Variants in EVA1A observed in about 807,000 individuals in gnomAD.
EVA1A encodes protein eva-1 homolog A.
Under a neutral mutation model 9.8 loss-of-function variants are expected in EVA1A, and 7 were observed. The observed-to-expected ratio is 0.71, with a 90% CI of 0.41 to 1.34. EVA1A has a LOEUF of 1.34. Among genes scored for constraint, EVA1A ranks in the 40% most tolerant of loss-of-function variants. The pLI is 0.01. For missense variants in EVA1A, 206 were observed against 205.9 expected (o/e 1.00, Z 0.00); for synonymous variants, 90 against 85.6 (o/e 1.05, Z -0.28).
chr2:75,518,354 G>A, intron 2 of EVA1A, 146 bp from the exon 3 acceptor site: 1 of 895,258 alleles, frequency 1.1e-6, no homozygotes, highest in Non-Finnish European at 1.6e-6. Context: ...GACCCTCTCT[G>A]GCCAGCCCCA....
chr2:75,550,445 G>A (rs1676481830), intron 1 of EVA1A, among the ~76,000 whole-genome samples: 1 of 151,832 alleles, frequency 6.6e-6, no homozygotes, highest in South Asian at 2.1e-4. Flanking sequence ...TGGTGCTGTT[G>A]CCATCCTTAC....
At chr2:75,552,563 AT>A (rs1676563359) in intron 1 of EVA1A, among the ~76,000 whole-genome samples, 1 of 152,196 alleles carries the variant, frequency 6.6e-6, no homozygotes, top group Admixed American at 6.5e-5. Context: ...GAATCTCATT[AT>A]TTCTCACCTA....
intron 1 of EVA1A, among the ~76,000 whole-genome samples, chr2:75,555,904 G>A (rs1212774947): frequency 6.6e-6 from 1 of 152,138 alleles, no homozygotes; most frequent in African/African-American, 2.4e-5. Context: ...ACACGTTAAG[G>A]CCAAGCTCAA....
chr2:75,508,684 T>C (rs1022641659), intron 3 of EVA1A, among the ~76,000 whole-genome samples: 9 of 152,198 alleles, frequency 5.9e-5, no homozygotes, highest in African/African-American at 1.9e-4. Context: ...CCACACCTAT[T>C]TGCACACTCC....
At chr2:75,558,474 A>T (rs910611336) in intron 1 of EVA1A, 1 of 152,204 alleles carries the variant, frequency 6.6e-6, no homozygotes, top group African/African-American at 2.4e-5. Context: ...GGAGAGATAA[A>T]CAAAATACTG....
intron 3 of EVA1A, among the ~76,000 whole-genome samples, chr2:75,497,320 T>TA (rs1674245855): frequency 6.6e-6 from 1 of 151,990 alleles, no homozygotes; most frequent in Non-Finnish European, 1.5e-5. Context: ...GAATCTATTT[T>TA]AAAAAAATTG....
intron 1 of EVA1A, among the ~76,000 whole-genome samples, chr2:75,539,972 T>A (rs1380618882): frequency 2.0e-5 from 3 of 152,032 alleles, no homozygotes; most frequent in Non-Finnish European, 2.9e-5. Context: ...GCTGGAGCCA[T>A]GGAGGAGATG....
chr2:75,521,177 G>C (rs1379755600), intron 2 of EVA1A, among the ~76,000 whole-genome samples: 1 of 152,180 alleles, frequency 6.6e-6, no homozygotes, highest in African/African-American at 2.4e-5. Context: ...ATACCCGTTA[G>C]GATGACTACT....
At position 75,534,115 on chromosome 2, in the gene EVA1A, T is replaced by C. The variant is rs1029340798; in HGVS notation, c.-191-11628A>G. Among the ~76,000 whole-genome samples the C allele has an allele frequency of 1.1e-4, 17 of 152,262 alleles. No homozygotes were observed. In the East Asian group the frequency reaches 3.1e-3, roughly 28 times the overall value. On this transcript the variant is annotated intron_variant, in intron 1 of 3. Coordinates refer to ENST00000393913, the MANE Select transcript of EVA1A (RefSeq NM_001135032.2). ...TTAGCAGGGCATGGTGGCAAATGCC[T>C]ATAGTTTCAGCTACTCAGGATGTTG...
intron 1 of EVA1A, among the ~76,000 whole-genome samples, chr2:75,546,918 A>C (rs1394518014): frequency 6.6e-6 from 1 of 151,480 alleles, no homozygotes; most frequent in African/African-American, 2.4e-5. Flanking sequence ...AAAAAAAAAA[A>C]AAAAAAAAAC....
In EVA1A at chr2:75,528,416, AAT is replaced by A. The variant is rs532684640; in HGVS notation, c.-191-5931_-191-5930del. On this transcript the variant is annotated intron_variant, in intron 1 of 3. Transcript: ENST00000393913. ...CCTGTGCACCAGAGGCCTGTAAATA[AAT>A]TCAGCTCTGTTGGCTGTTGGCAGGA... 4.6e-3 allele frequency among the ~76,000 whole-genome samples: 703 copies of A among 152,242 alleles called. 6 individuals are homozygous for A. The highest frequency in any genetic ancestry group is 0.016 in the African/African-American group (681 of 41,546).
intron 1 of EVA1A, among the ~76,000 whole-genome samples, chr2:75,549,401 T>C (rs1676450863): frequency 6.6e-6 from 1 of 152,094 alleles, no homozygotes; most frequent in Non-Finnish European, 1.5e-5. Context: ...TGAGGAAAAG[T>C]GGGGCAAAAC....
intron 3 of EVA1A, among the ~76,000 whole-genome samples, chr2:75,515,382 C>G (rs1674968055): frequency 6.6e-6 from 1 of 152,162 alleles, no homozygotes; most frequent in Admixed American, 6.5e-5. Context: ...AAAAGCTCAG[C>G]TGAGATTGGA....
At chr2:75,543,634 C>T (rs1365602907) in intron 1 of EVA1A, among the ~76,000 whole-genome samples, 2 of 152,116 alleles carry the variant, frequency 1.3e-5, no homozygotes, top group South Asian at 2.1e-4. Flanking sequence ...TGCCAGCCTC[C>T]CTGGGTGGGA....
At chr2:75,512,950 C>G (rs1342399627) in intron 3 of EVA1A, among the ~76,000 whole-genome samples, 1 of 152,134 alleles carries the variant, frequency 6.6e-6, no homozygotes, top group Non-Finnish European at 1.5e-5. Flanking sequence ...TCTCATTTTT[C>G]CAGCCTCCCT....
chr2:75,504,812 G>A (rs6707816), intron 3 of EVA1A, among the ~76,000 whole-genome samples: 2,930 of 151,958 alleles, frequency 0.019, 82 homozygotes, highest in African/African-American at 0.06. Flanking sequence ...GGGGGGCAAG[G>A]GGAGGAAGAG....
At chr2:75,552,382 T>G (rs1223549483) in intron 1 of EVA1A, among the ~76,000 whole-genome samples, 1 of 152,100 alleles carries the variant, frequency 6.6e-6, no homozygotes, top group Non-Finnish European at 1.5e-5. Flanking sequence ...TCCTAATGAA[T>G]AGCCCCACTA....
At chr2:75,526,435 T>C (rs1182552588) in intron 1 of EVA1A, among the ~76,000 whole-genome samples, 1 of 152,034 alleles carries the variant, frequency 6.6e-6, no homozygotes, top group Non-Finnish European at 1.5e-5. Flanking sequence ...ACCAGATAAT[T>C]TGCTAAGTGC....
At chr2:75,498,353 T>G (rs959913315) in intron 3 of EVA1A, among the ~76,000 whole-genome samples, 1 of 151,786 alleles carries the variant, frequency 6.6e-6, no homozygotes, top group Non-Finnish European at 1.5e-5. Context: ...GGTGGGGGAA[T>G]GGGTTGGAAA....
Sources: allele counts gnomAD v4.1 joint callset (sites outside exome capture counted in the v4.1 genomes callset), GRCh38; gene constraint gnomAD v4.1.1; transcripts MANE v1.5; gene names NCBI Gene and HGNC (gene_info 2026-07-23, HGNC 2026-07-21).